The following LYAR variants were observed in gnomAD, a reference collection of about 807,000 sequenced individuals.
The protein encoded by LYAR is Ly1 antibody reactive.
A neutral mutation model predicts 45.2 loss-of-function variants in LYAR; 37 were observed. That is an observed-to-expected ratio of 0.82 (90% CI 0.63 to 1.08). The LOEUF is 1.08. LYAR is among the 50% of genes least tolerant of loss of function. The pLI is 0.00. For synonymous variants in LYAR, 176 were observed against 155.1 expected (o/e 1.14, Z -1.00); for missense variants, 493 against 451.0 (o/e 1.09, Z -0.84).
Position 4,274,378 on chromosome 4 carries a change from C to T in LYAR, c.821G>A (p.Arg274Lys). 6.2e-7 allele frequency: 1 copy of T among 1,610,100 alleles called. No individual in the cohort carries two copies. The highest frequency in any genetic ancestry group is 8.5e-7 in the Non-Finnish European group (1 of 1,177,598). The change falls in exon 7 of 10, where the codon AGG becomes AAG. Residue 274 changes from arginine (R) to lysine (K), a missense_variant. Arg to Lys is a conservative substitution (Grantham distance 26). Transcript: ENST00000343470. ...AGCTAGCCACTTACCTTCCGAGTGCCTCCGCTTCCTCTTCCCTGCGCCCAC... is the reference window on the plus strand; with the variant it reads ...AGCTAGCCACTTACCTTCCGAGTGCTTCCGCTTCCTCTTCCCTGCGCCCAC... ...ARVGAGKRKR[R>K]HSEVETDSKK...
At chr4:4,288,477 A>G (rs1217565958) in intron 1 of LYAR, among the ~76,000 whole-genome samples, 1 of 137,728 alleles carries the variant, frequency 7.3e-6, no homozygotes, top group Non-Finnish European at 1.6e-5. Context: ...TACTTATTCA[A>G]TTTTTTTTCT....
At chr4:4,288,754 C>T (rs1027111705) in intron 1 of LYAR, among the ~76,000 whole-genome samples, 1 of 152,234 alleles carries the variant, frequency 6.6e-6, no homozygotes, top group East Asian at 1.9e-4. Context: ...CCAAAGTGCT[C>T]GGATGACAGG....
intron 6 of LYAR, among the ~76,000 whole-genome samples, chr4:4,276,543 CAAA>C (rs55900346): frequency 1.1e-4 from 15 of 131,412 alleles, no homozygotes; most frequent in Admixed American, 1.5e-4. Flanking sequence ...AACTCTGTCT[CAAA>C]AAAAAAAAAA....
intron 1 of LYAR, among the ~76,000 whole-genome samples, chr4:4,288,486 C>CTTT (rs11338207): frequency 2.5e-5 from 3 of 121,016 alleles, no homozygotes; most frequent in East Asian, 2.5e-4. Context: ...AATTTTTTTT[C>CTTT]TTTTTTTTTT....
intron 6 of LYAR, among the ~76,000 whole-genome samples, chr4:4,277,343 G>T (rs988154565): frequency 6.6e-6 from 1 of 152,110 alleles, no homozygotes; most frequent in Non-Finnish European, 1.5e-5. Flanking sequence ...CACTGTGCCC[G>T]CCATAAAATA....
intron 1 of LYAR, among the ~76,000 whole-genome samples, chr4:4,288,973 A>G (rs1256025202): frequency 6.6e-6 from 1 of 152,232 alleles, no homozygotes; most frequent in African/African-American, 2.4e-5. Context: ...CTGTGAAACA[A>G]GAAGTCAGGC....
intron 4 of LYAR, among the ~76,000 whole-genome samples, chr4:4,280,800 T>C (rs1321869692): frequency 6.6e-6 from 1 of 152,234 alleles, no homozygotes; most frequent in East Asian, 1.9e-4. Context: ...TTCAGTAAGC[T>C]AGTTAATGTC....
At chr4:4,277,825 G>A (rs1212130664) in intron 6 of LYAR, among the ~76,000 whole-genome samples, 1 of 152,162 alleles carries the variant, frequency 6.6e-6, no homozygotes, top group Non-Finnish European at 1.5e-5. Flanking sequence ...CCTGACATCT[G>A]GCAGAGTTAC....
At chr4:4,283,479 G>C in intron 3 of LYAR, 142 bp downstream of exon 3, 1 of 882,494 alleles carries the variant, frequency 1.1e-6, no homozygotes, top group South Asian at 1.8e-5. Flanking sequence ...AATCACACCA[G>C]TTTTAATCAA....
At chr4:4,272,995 G>T (rs1719003357) in intron 8 of LYAR, among the ~76,000 whole-genome samples, 1 of 152,162 alleles carries the variant, frequency 6.6e-6, no homozygotes, top group South Asian at 2.1e-4. Context: ...GCCCGTGAAG[G>T]CCAGGGACTG....
intron 3 of LYAR, 33 bp downstream of exon 3, chr4:4,283,588 A>C: frequency 6.3e-7 from 1 of 1,594,076 alleles, no homozygotes. Flanking sequence ...ATCTGGATTT[A>C]CTATGGATCT....
intron 7 of LYAR, 99 bp from the exon 8 acceptor site, chr4:4,273,768 T>C: frequency 1.5e-6 from 1 of 665,452 alleles, no homozygotes; most frequent in Non-Finnish European, 2.6e-6. Context: ...ACTCCACGTA[T>C]CATCTCATTT....
intron 8 of LYAR, among the ~76,000 whole-genome samples, chr4:4,271,607 G>A (rs1205769892): frequency 1.3e-5 from 2 of 152,196 alleles, no homozygotes; most frequent in African/African-American, 4.8e-5. Flanking sequence ...CTCCATAGTG[G>A]TTGTACTAAT....
At chr4:4,277,980 C>A (rs1408739119) in intron 6 of LYAR, among the ~76,000 whole-genome samples, 1 of 152,168 alleles carries the variant, frequency 6.6e-6, no homozygotes, top group Admixed American at 6.5e-5. Flanking sequence ...CAGGGTTTAC[C>A]AGGGGCTGTT....
intron 2 of LYAR, among the ~76,000 whole-genome samples, chr4:4,284,615 A>G (rs1255953285): frequency 2.0e-5 from 3 of 152,186 alleles, no homozygotes; most frequent in African/African-American, 7.2e-5. Flanking sequence ...GTATGTCTGC[A>G]CACGCACATA....
intron 8 of LYAR, among the ~76,000 whole-genome samples, chr4:4,270,159 C>T (rs11723339): frequency 0.53 from 80,145 of 151,354 alleles, 22,811 homozygotes; most frequent in South Asian, 0.74. Flanking sequence ...GTCATGATCA[C>T]ACCAATGCAC....
intron 8 of LYAR, among the ~76,000 whole-genome samples, chr4:4,269,847 C>A (rs1045329366): frequency 6.6e-6 from 1 of 152,190 alleles, no homozygotes; most frequent in African/African-American, 2.4e-5. Flanking sequence ...AACACACACA[C>A]ACGTAAACTA....
chr4:4,273,706 TGCATTTAC>T, intron 7 of LYAR, 37 bp from the exon 8 acceptor site: 1 of 1,320,384 alleles, frequency 7.6e-7, no homozygotes, highest in Non-Finnish European at 1.1e-6. Flanking sequence ...AAGAAGATTT[TGCATTTAC>T]GCTAGCAGCT....
intron 6 of LYAR, among the ~76,000 whole-genome samples, chr4:4,276,772 A>C (rs1254058141): frequency 6.6e-6 from 1 of 151,504 alleles, no homozygotes. Flanking sequence ...CAGGAGAATC[A>C]CTTGAACCCA....
Sources: allele counts gnomAD v4.1 joint callset (sites outside exome capture counted in the v4.1 genomes callset), GRCh38; gene constraint gnomAD v4.1.1; transcripts MANE v1.5; gene names NCBI Gene and HGNC (gene_info 2026-07-23, HGNC 2026-07-21).